Variants in GGA3 observed in about 807,000 individuals in gnomAD.
The protein encoded by GGA3 is golgi associated, gamma adaptin ear containing, ARF binding protein 3.
GGA3 carries 57 observed loss-of-function variants against 77.5 expected under a neutral mutation model. The ratio of observed to expected loss-of-function variants is 0.74; its 90% CI spans 0.59 to 0.92. GGA3 has a LOEUF of 0.92. Among genes scored for constraint, GGA3 ranks in the 40% least tolerant of loss-of-function variants. The pLI is 0.00. For synonymous variants in GGA3, 416 were observed against 383.7 expected (o/e 1.08, Z -0.98); for missense variants, 970 against 914.9 (o/e 1.06, Z -0.78).
At chr17:75,238,544 G>T (rs1331167822) in intron 16 of GGA3, 108 bp downstream of exon 16, 6 of 993,022 alleles carry the variant, frequency 6.0e-6, no homozygotes, top group Non-Finnish European at 9.3e-6. Flanking sequence ...AAAGGGATGT[G>T]TCAATCCTAC....
intron 4 of GGA3, 67 bp from the exon 5 acceptor site, chr17:75,243,637 C>T: frequency 1.3e-6 from 2 of 1,528,596 alleles, no homozygotes; most frequent in Non-Finnish European, 1.8e-6. Context: ...GTAAGGCTCC[C>T]TCCACAGCAA....
At chr17:75,255,431 G>C (rs189630821) in intron 1 of GGA3, among the ~76,000 whole-genome samples, 1 of 151,740 alleles carries the variant, frequency 6.6e-6, no homozygotes, top group African/African-American at 2.4e-5. Context: ...CCTCCTTTGC[G>C]TCCTCCTCTT....
chr17:75,240,294 G>A (rs1169552841), intron 12 of GGA3, 48 bp downstream of exon 12: 7 of 1,341,358 alleles, frequency 5.2e-6, no homozygotes, highest in Non-Finnish European at 7.4e-6. Flanking sequence ...ACGCTGGAAA[G>A]TGGAGGTCCT....
chr17:75,239,909 A>G lies in GGA3; in HGVS notation c.1463T>C (p.Val488Ala), dbSNP rs1432289329. The change falls in exon 13 of 17, where the codon GTG becomes GCG. Residue 488 changes from valine (V) to alanine (A), a missense_variant. Val to Ala is a moderately conservative substitution (Grantham distance 64, BLOSUM62 0). Transcript: ENST00000537686. ...SAGSSLFSTG[V>A]APALAPKVEP... is the part of the protein sequence containing the mutation. ...AACTTTTGGGGCCAAGGCTGGGGCC[A>G]CTCCAGTAGAAAACAAGGAGGAGCC... 2 of 1,612,212 alleles carry G rather than the reference A, an allele frequency of 1.2e-6. No homozygotes were observed. Among genetic ancestry groups the G allele is most frequent in the South Asian group, 2.2e-5 (2 of 90,884 alleles).
intron 8 of GGA3, 43 bp from the exon 9 acceptor site, chr17:75,241,739 T>G: frequency 2.0e-6 from 3 of 1,493,338 alleles, no homozygotes; most frequent in Non-Finnish European, 2.8e-6. Context: ...CAAAGGCCCT[T>G]AGAGATCATC....
Position 75,241,387 on chromosome 17 carries a change from C to T in GGA3, c.946+13G>A. The stretch of plus-strand genomic sequence containing the variant: ...TCTGGAGGAGCCTAGAGTTGGGGAC[C>T]AGAGCATCTCACCTTCCGAGTCAGG... On this transcript the variant is annotated intron_variant, in intron 10 of 16. Transcript: ENST00000537686. The T allele has an allele frequency of 1.3e-6, 2 of 1,530,560 alleles. No individual in the cohort carries two copies. The highest frequency in any genetic ancestry group is 1.8e-6 in the Non-Finnish European group (2 of 1,104,752). The allele number at this position is 1,530,560 out of a possible 1,614,324, so 94.8% of individuals were successfully genotyped here. A position where few individuals can be genotyped will look rare whatever the true frequency, so the allele number is the denominator to read the frequency against.
chr17:75,258,102 G>A (rs921918909), intron 1 of GGA3, among the ~76,000 whole-genome samples: 5 of 152,006 alleles, frequency 3.3e-5, no homozygotes, highest in African/African-American at 1.2e-4. Flanking sequence ...ATCCATCCCT[G>A]CCCGCAAAAC....
Position 75,242,706 on chromosome 17 carries a change from G to C in GGA3, c.609+125C>G, listed in dbSNP as rs1174350659. 3 of 936,734 alleles carry C rather than the reference G, an allele frequency of 3.2e-6. No individual in the cohort carries two copies. The East Asian group carries it at 7.2e-5, about 22-fold the overall frequency. 58.0% of individuals were successfully genotyped at this position (936,734 alleles called of 1,614,324 possible). On this transcript the variant is annotated intron_variant, in intron 7 of 16. Transcript: ENST00000537686. ...GCTCCTCCTCCCACTCTCAGCCACC[G>C]GGGCACAGGTAGGGCAGCTGGCAGC...
At chr17:75,239,334 A>G in intron 14 of GGA3, 41 bp downstream of exon 14, 1 of 1,459,588 alleles carries the variant, frequency 6.9e-7, no homozygotes, top group Non-Finnish European at 9.2e-7. Context: ...CCGTGGCTAT[A>G]GGCCCCACCG....
intron 4 of GGA3, 51 bp from the exon 5 acceptor site, chr17:75,243,621 GA>G: frequency 1.3e-6 from 2 of 1,587,860 alleles, no homozygotes; most frequent in South Asian, 1.1e-5. Context: ...CGGAGGCAGA[GA>G]AAGTGTAAGG....
intron 1 of GGA3, among the ~76,000 whole-genome samples, chr17:75,249,568 A>G (rs1226929645): frequency 2.0e-5 from 3 of 152,252 alleles, no homozygotes; most frequent in African/African-American, 4.8e-5. Context: ...TTCCTCAGGC[A>G]TTAGCGTAGC....
chr17:75,261,729 A>C (rs1032617865), upstream of GGA3: 5 of 1,142,074 alleles, frequency 4.4e-6, no homozygotes, highest in Non-Finnish European at 6.1e-6. Flanking sequence ...CAGGGAGGGC[A>C]AGGGTTTCCT....
In GGA3 at chr17:75,260,396, T is replaced by C. The variant is rs765978779; in HGVS notation, c.40+1152A>G. 7.2e-5 allele frequency among the ~76,000 whole-genome samples: 11 copies of C among 152,224 alleles called. No homozygotes were observed. In the South Asian group the frequency reaches 1.0e-3, roughly 14 times the overall value. The stretch of plus-strand genomic sequence containing the variant: ...GGTAAACTAATTTAATGAATATCTG[T>C]AAAGTACTTTGAGCTCCTTGGAGAA... On this transcript the variant is annotated intron_variant, in intron 1 of 16. Transcript: ENST00000537686.
chr17:75,239,954 C>T lies in GGA3; in HGVS notation c.1418G>A (p.Ser473Asn). The T allele has an allele frequency of 6.3e-7, 1 of 1,576,870 alleles. No individual in the cohort carries two copies. Residue 473 changes from serine (S) to asparagine (N), a missense_variant, in exon 13 of 17, where the codon AGT becomes AAT. Ser to Asn is a conservative substitution (Grantham distance 46). Coordinates refer to ENST00000537686, the MANE Select transcript of GGA3 (RefSeq NM_138619.4). ...PPFPAPVVPA[S>N]VPAPSAGSSL... ...GGAGCCCGCACTGGGGGCAGGAACA[C>T]TGGCTGGGACCACAGGAGCTGGGAA...
intron 5 of GGA3, 131 bp downstream of exon 5, chr17:75,243,316 A>C: frequency 2.4e-6 from 3 of 1,270,906 alleles, no homozygotes; most frequent in Non-Finnish European, 2.2e-6. Flanking sequence ...TCCAACTCCG[A>C]CTCAGCCTTG....
chr17:75,249,014 A>G (rs2076867250), intron 1 of GGA3: 13 of 984,096 alleles, frequency 1.3e-5, no homozygotes, highest in Non-Finnish European at 1.6e-5. Context: ...TGTGGCTGCA[A>G]GGGGAAGATT....
chr17:75,251,834 C>T lies in GGA3; in HGVS notation c.41-5038G>A, dbSNP rs534400458. 6.9e-4 allele frequency among the ~76,000 whole-genome samples: 104 copies of T among 149,690 alleles called. 1 individual carries two copies. The highest frequency in any genetic ancestry group is 2.2e-3 in the African/African-American group (90 of 40,744). On this transcript the variant is annotated intron_variant, in intron 1 of 16. Coordinates refer to ENST00000537686, the MANE Select transcript of GGA3 (RefSeq NM_138619.4). ...TCACTCAGGCAAGAGTGCAGTGGTG[C>T]GATCATGGCTTCACTGTAGCCTCAA...
intron 8 of GGA3, chr17:75,242,073 G>T (rs2076578852): frequency 1.7e-6 from 1 of 571,868 alleles, no homozygotes; most frequent in Non-Finnish European, 3.1e-6. Flanking sequence ...GAGAGCAGGG[G>T]TGAGCACCGA....
chr17:75,255,693 TACAAGTTAGTTCAGG>T (rs2077127032), intron 1 of GGA3, among the ~76,000 whole-genome samples: 1 of 152,220 alleles, frequency 6.6e-6, no homozygotes, highest in East Asian at 1.9e-4. Flanking sequence ...AGACAAGCCT[TACAAGTTAGTTCAGG>T]ATCTATGCCT....
Sources: gnomAD v4.1 joint callset for allele counts (sites outside exome capture counted in the v4.1 genomes callset) on GRCh38, gnomAD v4.1.1 for gene constraint, MANE v1.5 for transcripts, NCBI Gene and HGNC (gene_info 2026-07-23, HGNC 2026-07-21) for gene names.